SEMA6A: variants seen among roughly 807,000 people sequenced by gnomAD.
The protein encoded by SEMA6A is semaphorin 6A, also known as semaphorin-6A.
In SEMA6A, 25 loss-of-function variants were observed where a neutral mutation model predicts 96.8. The observed-to-expected ratio is 0.26, with a 90% CI of 0.19 to 0.36. SEMA6A has a LOEUF of 0.36. SEMA6A is among the 10% of genes least tolerant of loss of function. The pLI is 1.00. For missense variants in SEMA6A, 1,363 were observed against 1,323.1 expected, an observed-to-expected ratio of 1.03 and a Z score of -0.47; for synonymous variants, 612 against 518.0, an observed-to-expected ratio of 1.18 and a Z score of -2.46.
At chr5:116,461,392 C>G (rs1273592291) in intron 18 of SEMA6A, among the ~76,000 whole-genome samples, 1 of 152,046 alleles carries the variant, frequency 6.6e-6, no homozygotes, top group African/African-American at 2.4e-5. Flanking sequence ...TTGCTCTACT[C>G]TCACATTTAA....
intron 1 of SEMA6A, among the ~76,000 whole-genome samples, chr5:116,565,056 A>C (rs1235862843): frequency 6.6e-6 from 1 of 152,252 alleles, no homozygotes; most frequent in Non-Finnish European, 1.5e-5. Flanking sequence ...ATTTGTGAAT[A>C]GTCTTAATGA....
intron 11 of SEMA6A, among the ~76,000 whole-genome samples, chr5:116,480,644 A>T (rs1756710219): frequency 6.6e-6 from 1 of 152,152 alleles, no homozygotes; most frequent in South Asian, 2.1e-4. Context: ...GAGATTCCTC[A>T]TGCATTTACT....
chr5:116,562,709 G>A (rs373768298), intron 1 of SEMA6A: 15 of 731,680 alleles, frequency 2.1e-5, no homozygotes, highest in East Asian at 1.1e-4. Flanking sequence ...TTCTGGCAAA[G>A]AAACCCTCTG....
intron 1 of SEMA6A, among the ~76,000 whole-genome samples, chr5:116,546,756 T>C (rs1760205447): frequency 6.6e-6 from 1 of 152,140 alleles, no homozygotes; most frequent in African/African-American, 2.4e-5. Context: ...TCCCCTCCAA[T>C]GAACATAACA....
At chr5:116,461,746 T>C (rs527601871) in intron 18 of SEMA6A, among the ~76,000 whole-genome samples, 1 of 152,184 alleles carries the variant, frequency 6.6e-6, no homozygotes, top group Admixed American at 6.5e-5. Flanking sequence ...TTTTGGCATT[T>C]CACAAAGAGA....
chr5:116,484,743 A>C (rs1756965461), intron 10 of SEMA6A, among the ~76,000 whole-genome samples: 1 of 152,234 alleles, frequency 6.6e-6, no homozygotes, highest in Admixed American at 6.5e-5. Context: ...TGACTAGCTG[A>C]CATTTGAAGT....
At chr5:116,556,714 T>A (rs153640) in intron 1 of SEMA6A, among the ~76,000 whole-genome samples, 11 of 151,950 alleles carry the variant, frequency 7.2e-5, no homozygotes, top group Admixed American at 6.5e-4. Context: ...GGTGTTCAGC[T>A]TCATTTTGTG....
chr5:116,461,732 G>C (rs963530428), intron 18 of SEMA6A, among the ~76,000 whole-genome samples: 1 of 152,148 alleles, frequency 6.6e-6, no homozygotes, highest in Non-Finnish European at 1.5e-5. Context: ...TCTGTGGTGT[G>C]TGGTTTTGGC....
At chr5:116,514,986 C>T (rs550586498) in intron 1 of SEMA6A, among the ~76,000 whole-genome samples, 11 of 152,308 alleles carry the variant, frequency 7.2e-5, no homozygotes, top group Admixed American at 6.5e-4. Context: ...AAGAATACCA[C>T]CTGGAAAGTG....
rs374004215 is a variant in SEMA6A at position 116,447,362 on chromosome 5, T to A, written c.2344A>T (p.Asn782Tyr). The change falls in exon 19 of 19, where the codon AAC becomes TAC. Residue 782 changes from asparagine to tyrosine, a missense_variant. Coordinates refer to ENST00000343348, the MANE Select transcript of SEMA6A (RefSeq NM_020796.5). Reference protein sequence around the residue: ...RGSREWERNQNLINACTKDMP... With the variant: ...RGSREWERNQYLINACTKDMP... Reference sequence around the variant, plus strand: ...TCCTTTGTGCAGGCATTGATGAGGTTCTGGTTCCTCTCCCACTCGCGGCTG... The same window carrying A: ...TCCTTTGTGCAGGCATTGATGAGGTACTGGTTCCTCTCCCACTCGCGGCTG... The A allele has an allele frequency of 1.2e-6, 2 of 1,613,870 alleles. No homozygotes were observed.
chr5:116,516,009 A>G (rs939565951), intron 1 of SEMA6A, among the ~76,000 whole-genome samples: 2 of 152,234 alleles, frequency 1.3e-5, no homozygotes, highest in Non-Finnish European at 2.9e-5. Context: ...AAGATCAGGA[A>G]GAAAGTGAAA....
intron 10 of SEMA6A, among the ~76,000 whole-genome samples, chr5:116,486,401 A>G (rs1757050455): frequency 6.6e-6 from 1 of 152,212 alleles, no homozygotes; most frequent in Non-Finnish European, 1.5e-5. Context: ...AGGTAGTATA[A>G]TATGTCGAGC....
chr5:116,455,270 T>G (rs1354381176), intron 18 of SEMA6A, among the ~76,000 whole-genome samples: 1 of 152,174 alleles, frequency 6.6e-6, no homozygotes, highest in Non-Finnish European at 1.5e-5. Context: ...ATGTCTAGAC[T>G]AAGAGTCATG....
intron 1 of SEMA6A, among the ~76,000 whole-genome samples, chr5:116,553,789 A>G (rs76783469): frequency 0.052 from 7,837 of 152,140 alleles, 259 homozygotes; most frequent in African/African-American, 0.088. Flanking sequence ...GTTAGGGGGG[A>G]AAAAACCAAC....
At chr5:116,520,476 A>T (rs937668906) in intron 1 of SEMA6A, among the ~76,000 whole-genome samples, 1 of 152,024 alleles carries the variant, frequency 6.6e-6, no homozygotes, top group Non-Finnish European at 1.5e-5. Flanking sequence ...ATGAAGCTCT[A>T]AAAAAAGAGT....
At chr5:116,469,593 T>G (rs1359101494) in intron 17 of SEMA6A, 1 of 152,144 alleles carries the variant, frequency 6.6e-6, no homozygotes, top group Non-Finnish European at 1.5e-5. Flanking sequence ...AAAAAATACC[T>G]CCCCTCCAAG....
chr5:116,467,793 C>A, intron 17 of SEMA6A, 46 bp from the exon 18 acceptor site: 1 of 1,603,274 alleles, frequency 6.2e-7, no homozygotes, highest in Admixed American at 1.7e-5. Context: ...CCAGAGAGAC[C>A]CACATTCCCT....
chr5:116,472,978 C>A, intron 17 of SEMA6A, 95 bp downstream of exon 17: 2 of 1,515,836 alleles, frequency 1.3e-6, no homozygotes, highest in South Asian at 1.3e-5. Flanking sequence ...TAAAAAGAAA[C>A]TTAAGATTTG....
Position 116,524,775 on chromosome 5 carries a change from C to CACACACACACACAGACACACACACAG in SEMA6A, c.-38-19794_-38-19793insCTGTGTGTGTGTCTGTGTGTGTGTGT, listed in dbSNP as rs1554090326. On this transcript the variant is annotated intron_variant, in intron 1 of 18. Coordinates refer to ENST00000343348, the MANE Select transcript of SEMA6A (RefSeq NM_020796.5). ...GTATAATTACATGGGTATGTATACACACACACACACACAGACACACACACA... is the reference window on the plus strand; with the variant it reads ...GTATAATTACATGGGTATGTATACACACACACACACACAGACACACACACAGACACACACACACAGACACACACACA... Among the ~76,000 whole-genome samples the CACACACACACACAGACACACACACAG allele has an allele frequency of 2.9e-3, 416 of 145,680 alleles. 10 individuals carry two copies. The East Asian group carries it at 0.069, about 24-fold the overall frequency.
Sources: allele counts gnomAD v4.1 joint callset (sites outside exome capture counted in the v4.1 genomes callset), GRCh38; gene constraint gnomAD v4.1.1; transcripts MANE v1.5; gene names NCBI Gene and HGNC (gene_info 2026-07-23, HGNC 2026-07-21).